The following TRMT1 variants were observed in gnomAD, a reference collection of about 807,000 sequenced individuals.
TRMT1 encodes the protein tRNA (guanine(26)-N(2))-dimethyltransferase.
In TRMT1, 63 loss-of-function variants were observed where a neutral mutation model predicts 75.4. That is an observed-to-expected ratio of 0.84 (90% CI 0.68 to 1.03). The LOEUF is 1.03. TRMT1 is among the 50% of genes least tolerant of loss of function. TRMT1 has a pLI of 0.00. For missense variants in TRMT1, 870 were observed against 905.3 expected (o/e 0.96, Z 0.50); for synonymous variants, 382 against 358.1 (o/e 1.07, Z -0.75).
intron 5 of TRMT1, among the ~76,000 whole-genome samples, chr19:13,114,424 T>C (rs1350066692): frequency 6.6e-6 from 1 of 152,210 alleles, no homozygotes; most frequent in Non-Finnish European, 1.5e-5. Flanking sequence ...CCCACCACTT[T>C]GGGAGGCCGA....
chr19:13,105,420 G>T (rs779778106), intron 15 of TRMT1, 24 bp from the exon 16 acceptor site: 5 of 1,613,598 alleles, frequency 3.1e-6, no homozygotes, highest in Non-Finnish European at 2.5e-6. Context: ...GGAGTAGGTG[G>T]GACCCCATCT....
chr19:13,110,245 A>G lies in TRMT1; in HGVS notation c.932T>C (p.Val311Ala). Residue 311 changes from valine to alanine, a missense_variant, in exon 8 of 17, where the codon GTG becomes GCG. Physicochemically the swap from Val to Ala is moderately conservative, Grantham distance 64 (BLOSUM62 0). Transcript: ENST00000357720. ...LRANCYQRFV[V>A]PLLSISADFY... The stretch of plus-strand genomic sequence containing the variant: ...GTCAGCGCTGATGCTGAGCAGCGGC[A>G]CCACGAAGCGCTGGTAGCAGTTGGC... The G allele has an allele frequency of 1.9e-6, 3 of 1,605,466 alleles. No individual in the cohort carries two copies. Among genetic ancestry groups the G allele is most frequent in the Non-Finnish European group, 2.6e-6 (3 of 1,175,362 alleles).
chr19:13,110,946 A>G (rs973594762), intron 7 of TRMT1, among the ~76,000 whole-genome samples: 2 of 152,250 alleles, frequency 1.3e-5, no homozygotes, highest in South Asian at 2.1e-4. Flanking sequence ...GTGAAACTCC[A>G]TCTCAAAAAA....
At chr19:13,115,856 T>A in intron 3 of TRMT1, 88 bp from the exon 4 acceptor site, 1 of 1,604,950 alleles carries the variant, frequency 6.2e-7, no homozygotes, top group Non-Finnish European at 8.5e-7. Flanking sequence ...GTCCCTGAAA[T>A]CCCTGCGGAA....
At chr19:13,108,424 G>A (rs892038947) in intron 12 of TRMT1, among the ~76,000 whole-genome samples, 4 of 151,958 alleles carry the variant, frequency 2.6e-5, no homozygotes, top group Non-Finnish European at 5.9e-5. Context: ...CTGAGTAGCT[G>A]AGATTACAGG....
In TRMT1 at chr19:13,116,138, C is replaced by A; in HGVS notation, c.254+8G>T. 1 of 1,614,158 alleles carries A rather than the reference C, an allele frequency of 6.2e-7. No individual in the cohort carries two copies. The highest frequency in any genetic ancestry group is 8.5e-7 in the Non-Finnish European group (1 of 1,180,034). ...CCGATGCCAGGCTAACGTCTGACCC[C>A]TGCTCACGTCAGGTCCCGATTGAAT... is the stretch of plus-strand genomic sequence containing the variant. On this transcript the variant is annotated splice_region_variant and intron_variant, in intron 2 of 16. Coordinates refer to ENST00000357720, the MANE Select transcript of TRMT1 (RefSeq NM_001136035.4).
At position 13,109,585 on chromosome 19, in the gene TRMT1, C is replaced by T. The variant is rs1232466832; in HGVS notation, c.1276G>A (p.Glu426Lys). The T allele has an allele frequency of 6.2e-7, 1 of 1,613,938 alleles. No homozygotes were observed. The highest frequency in any genetic ancestry group is 1.3e-5 in the African/African-American group (1 of 74,906). Residue 426 changes from glutamate to lysine, a missense_variant, in exon 11 of 17, where the codon GAG becomes AAG. Glu to Lys is a moderately conservative substitution (Grantham distance 56). Coordinates refer to ENST00000357720, the MANE Select transcript of TRMT1 (RefSeq NM_001136035.4). ...ACGCTCAGGACCCCTCGGATCCGCT[C>T]CGAGGTGTGGAAGCGGCCGGGGTTA... is the stretch of plus-strand genomic sequence containing the variant. ...SANPGRFHTSERIRGVLSVIT... is the reference protein window; with the variant it reads ...SANPGRFHTSKRIRGVLSVIT...
At chr19:13,110,099 C>T in intron 8 of TRMT1, 59 bp downstream of exon 8, 1 of 1,608,724 alleles carries the variant, frequency 6.2e-7, no homozygotes. Context: ...CCCAGATCCC[C>T]CAGGGCAAGG....
intron 8 of TRMT1, 35 bp from the exon 9 acceptor site, chr19:13,110,036 G>A (rs544534581): frequency 8.6e-5 from 139 of 1,612,454 alleles, no homozygotes; most frequent in South Asian, 8.1e-4. Context: ...AGTTCCCAGC[G>A]TGACCACGAC....
Position 13,116,015 on chromosome 19 carries a change from C to G in TRMT1, c.292G>C (p.Gly98Arg), listed in dbSNP as rs1321620467. Reference sequence around the variant, plus strand: ...CACTCACTCTGGATTCCTTTGGCCCCAAGCTGAATGCGAGCAAACTCGGTG... The same window carrying G: ...CACTCACTCTGGATTCCTTTGGCCCGAAGCTGAATGCGAGCAAACTCGGTG... ...VITEFARIQL[G>R]AKGIQIKVPG... is the part of the protein sequence containing the mutation. The change falls in exon 3 of 17, where the codon GGG becomes CGG. Residue 98 changes from glycine to arginine, a missense_variant. By Grantham distance (125) the Gly-to-Arg change is moderately radical. Coordinates refer to ENST00000357720, the MANE Select transcript of TRMT1 (RefSeq NM_001136035.4). 6.8e-6 allele frequency: 11 copies of G among 1,613,888 alleles called. No homozygotes were observed. The highest frequency in any genetic ancestry group is 9.3e-6 in the Non-Finnish European group (11 of 1,180,022).
intron 7 of TRMT1, among the ~76,000 whole-genome samples, chr19:13,110,692 G>A (rs933734177): frequency 1.3e-5 from 2 of 152,240 alleles, no homozygotes; most frequent in Non-Finnish European, 2.9e-5. Flanking sequence ...CCTGGGCCGG[G>A]CGTGGTGGCT....
intron 14 of TRMT1, among the ~76,000 whole-genome samples, chr19:13,106,987 C>A (rs1322122887): frequency 6.9e-6 from 1 of 144,990 alleles, no homozygotes; most frequent in Non-Finnish European, 1.5e-5. Flanking sequence ...CCACGCCCGG[C>A]TAATTTTTTT....
chr19:13,105,159 G>T, intron 16 of TRMT1, 78 bp from the exon 17 acceptor site: 1 of 1,549,080 alleles, frequency 6.5e-7, no homozygotes, highest in East Asian at 2.3e-5. Context: ...GGGATGGGAA[G>T]CCCACTCCCA....
intron 1 of TRMT1, 35 bp downstream of exon 1, chr19:13,116,618 C>T (rs2019376562): frequency 1.6e-6 from 1 of 638,224 alleles, no homozygotes; most frequent in African/African-American, 1.8e-5. Context: ...GCCCCGAGTC[C>T]GAATCCCTCC....
chr19:13,107,078 C>T (rs1456363075), intron 14 of TRMT1, among the ~76,000 whole-genome samples: 1 of 147,792 alleles, frequency 6.8e-6, no homozygotes, highest in African/African-American at 2.5e-5. Flanking sequence ...TCTCGTGATC[C>T]GCCTGCCTCG....
chr19:13,105,929 C>T (rs890923807), intron 14 of TRMT1, among the ~76,000 whole-genome samples: 3 of 152,000 alleles, frequency 2.0e-5, no homozygotes, highest in African/African-American at 7.2e-5. Context: ...AGGCGTGGTG[C>T]CGGGTGCCTG....
intron 1 of TRMT1, 36 bp from the exon 2 acceptor site, chr19:13,116,467 C>T (rs1047990061): frequency 1.3e-6 from 2 of 1,538,190 alleles, no homozygotes; most frequent in African/African-American, 2.8e-5. Flanking sequence ...CAGAGAGGGT[C>T]AGAGAGCCGC....
chr19:13,113,687 G>A (rs2019227471), intron 5 of TRMT1, among the ~76,000 whole-genome samples: 1 of 151,978 alleles, frequency 6.6e-6, no homozygotes, highest in Non-Finnish European at 1.5e-5. Context: ...TCGGCGCACT[G>A]CAACTTCCAC....
intron 14 of TRMT1, among the ~76,000 whole-genome samples, 176 bp downstream of exon 14, chr19:13,107,398 C>T (rs2018923921): frequency 6.6e-6 from 1 of 152,240 alleles, no homozygotes; most frequent in Non-Finnish European, 1.5e-5. Context: ...CCTCAGCCTC[C>T]CAAAGTGCTG....
Sources: gnomAD v4.1 joint callset for allele counts (sites outside exome capture counted in the v4.1 genomes callset) on GRCh38, gnomAD v4.1.1 for gene constraint, MANE v1.5 for transcripts, NCBI Gene and HGNC (gene_info 2026-07-23, HGNC 2026-07-21) for gene names.